The following SLC24A3 variants were observed in gnomAD, a reference collection of about 807,000 sequenced individuals.
SLC24A3 encodes the protein solute carrier family 24 member 3, also known as sodium/potassium/calcium exchanger 3.
SLC24A3 carries 28 observed loss-of-function variants against 75.8 expected under a neutral mutation model. The ratio of observed to expected loss-of-function variants is 0.37; its 90% CI spans 0.27 to 0.51. The LOEUF (loss-of-function observed/expected upper bound fraction) is 0.51, where lower values mean the gene tolerates loss of function less well. Among genes scored for constraint, SLC24A3 ranks in the 20% least tolerant of loss-of-function variants. SLC24A3 has a pLI of 0.94. For synonymous variants in SLC24A3, 372 were observed against 334.1 expected, an observed-to-expected ratio of 1.11 and a Z score of -1.24; for missense variants, 663 against 847.8, an observed-to-expected ratio of 0.78 and a Z score of 2.71.
chr20:19,425,968 A>G (rs1600476224), intron 2 of SLC24A3, among the ~76,000 whole-genome samples: 1 of 152,128 alleles, frequency 6.6e-6, no homozygotes, highest in African/African-American at 2.4e-5. Flanking sequence ...ACTTGGAATT[A>G]CACTTTTCCA....
At chr20:19,571,963 A>C (rs2031058822) in intron 3 of SLC24A3, among the ~76,000 whole-genome samples, 1 of 152,184 alleles carries the variant, frequency 6.6e-6, no homozygotes, top group Non-Finnish European at 1.5e-5. Flanking sequence ...ATTTAAATGT[A>C]AGTGATATTG....
At chr20:19,479,438 C>T (rs1208531310) in intron 2 of SLC24A3, among the ~76,000 whole-genome samples, 1 of 152,200 alleles carries the variant, frequency 6.6e-6, no homozygotes, top group Non-Finnish European at 1.5e-5. Flanking sequence ...TCCCTTCTCG[C>T]AGTTACAGAA....
intron 2 of SLC24A3, among the ~76,000 whole-genome samples, chr20:19,444,400 T>C (rs1200200199): frequency 1.3e-5 from 2 of 152,246 alleles, no homozygotes; most frequent in African/African-American, 4.8e-5. Context: ...TTGTACAGAA[T>C]TGATGTAATT....
At chr20:19,503,640 A>G (rs904098937) in intron 2 of SLC24A3, among the ~76,000 whole-genome samples, 7 of 152,366 alleles carry the variant, frequency 4.6e-5, no homozygotes, top group African/African-American at 1.7e-4. Flanking sequence ...GGAGGGGGCC[A>G]GAGGTGGCCA....
chr20:19,680,445 G>A (rs184628311), intron 9 of SLC24A3, among the ~76,000 whole-genome samples: 223 of 151,968 alleles, frequency 1.5e-3, no homozygotes, highest in African/African-American at 5.1e-3. Flanking sequence ...GTTGGCAGCC[G>A]TCAGCATTCA....
At chr20:19,236,187 C>T (rs1331892154) in intron 1 of SLC24A3, among the ~76,000 whole-genome samples, 1 of 152,328 alleles carries the variant, frequency 6.6e-6, no homozygotes, top group African/African-American at 2.4e-5. Flanking sequence ...ACAGTCGTTG[C>T]TTTGAAGGCA....
chr20:19,535,193 T>C (rs1258406285), intron 3 of SLC24A3, among the ~76,000 whole-genome samples: 1 of 152,276 alleles, frequency 6.6e-6, no homozygotes, highest in Non-Finnish European at 1.5e-5. Context: ...TAGCTTTTGC[T>C]GTGTAACAAA....
At chr20:19,267,518 T>G (rs182887967) in intron 1 of SLC24A3, among the ~76,000 whole-genome samples, 1 of 152,208 alleles carries the variant, frequency 6.6e-6, no homozygotes, top group East Asian at 1.9e-4. Context: ...AAAAATCCAT[T>G]TTTTTAAAAT....
intron 1 of SLC24A3, among the ~76,000 whole-genome samples, chr20:19,239,668 T>C (rs1327282843): frequency 2.6e-5 from 4 of 152,140 alleles, no homozygotes; most frequent in African/African-American, 9.7e-5. Flanking sequence ...AGGTGTGTCA[T>C]ATTAGCAGGT....
At chr20:19,594,618 A>G (rs3827999) in intron 6 of SLC24A3, among the ~76,000 whole-genome samples, 13,825 of 152,278 alleles carry the variant, frequency 0.091, 1,314 homozygotes, top group East Asian at 0.31. Context: ...AGAAAAAATT[A>G]CATTCTAGTA....
intron 6 of SLC24A3, among the ~76,000 whole-genome samples, chr20:19,594,240 TC>T (rs3842527): frequency 0.1 from 15,608 of 152,110 alleles, 856 homozygotes; most frequent in East Asian, 0.26. Flanking sequence ...TCCCTGGTCT[TC>T]CCTCCTATCA....
chr20:19,684,775 C>T (rs1392179734), intron 11 of SLC24A3, among the ~76,000 whole-genome samples: 1 of 152,176 alleles, frequency 6.6e-6, no homozygotes, highest in African/African-American at 2.4e-5. Context: ...GCAGCTTTCT[C>T]ACATAGGGAC....
At chr20:19,693,561 A>G in intron 13 of SLC24A3, 136 bp downstream of exon 13, 1 of 1,132,510 alleles carries the variant, frequency 8.8e-7, no homozygotes, top group Non-Finnish European at 1.2e-6. Context: ...CCACTCCTAA[A>G]CTTAGTAGTT....
rs921810454 is a variant in SLC24A3 at position 19,522,122 on chromosome 20, CT to C, written c.348+6566del. ...GTGGCTAGTGTGAATGAGGAGCTAA[CT>C]TTTTTTTAAATTAACATAAATGTAG... On this transcript the variant is annotated intron_variant, in intron 3 of 16. Transcript: ENST00000328041. 4.6e-5 allele frequency among the ~76,000 whole-genome samples: 7 copies of C among 152,160 alleles called. No homozygotes were observed. In the Middle Eastern group the frequency reaches 0.014, roughly 296 times the overall value.
rs1374282745 is a variant in SLC24A3, at chr20:19,289,534, T to G, written c.271+8447T>G. On this transcript the variant is annotated intron_variant, in intron 2 of 16. Coordinates refer to ENST00000328041, the MANE Select transcript of SLC24A3 (RefSeq NM_020689.4). ...TGCACTCAACTGTGTGTAGAGACCA[T>G]GGGTATTACAGCGGGGTGCTGGGAA... Among the ~76,000 whole-genome samples the G allele has an allele frequency of 2.0e-5, 3 of 152,212 alleles. No homozygotes were observed. The East Asian group carries it at 5.8e-4, about 29-fold the overall frequency.
chr20:19,636,758 G>A (rs1248282015), intron 6 of SLC24A3, among the ~76,000 whole-genome samples: 1 of 152,136 alleles, frequency 6.6e-6, no homozygotes, highest in African/African-American at 2.4e-5. Flanking sequence ...TAATCCATAT[G>A]TATAAGGCTG....
chr20:19,484,155 C>CAGAA (rs1272141217), intron 2 of SLC24A3, among the ~76,000 whole-genome samples: 4 of 151,954 alleles, frequency 2.6e-5, no homozygotes, highest in African/African-American at 9.7e-5. Flanking sequence ...TACTTAGGAC[C>CAGAA]AGAAGTATTT....
At chr20:19,523,181 TC>T (rs967948474) in intron 3 of SLC24A3, among the ~76,000 whole-genome samples, 3 of 152,142 alleles carry the variant, frequency 2.0e-5, no homozygotes, top group African/African-American at 7.2e-5. Context: ...GAAAACAAAC[TC>T]ATTTACTGTG....
intron 2 of SLC24A3, among the ~76,000 whole-genome samples, chr20:19,504,576 C>T (rs1389986792): frequency 6.6e-6 from 1 of 152,136 alleles, no homozygotes; most frequent in Non-Finnish European, 1.5e-5. Flanking sequence ...CCATGGGTTC[C>T]CTTGAGGAAC....
Sources: allele counts gnomAD v4.1 joint callset (sites outside exome capture counted in the v4.1 genomes callset), GRCh38; gene constraint gnomAD v4.1.1; transcripts MANE v1.5; gene names NCBI Gene and HGNC (gene_info 2026-07-23, HGNC 2026-07-21).